Variants in VDAC1 observed in about 807,000 individuals in gnomAD.
VDAC1 encodes non-selective voltage-gated ion channel VDAC1.
Under a neutral mutation model 34.7 loss-of-function variants are expected in VDAC1, and 10 were observed. The observed-to-expected ratio is 0.29, with a 90% CI of 0.18 to 0.49. The LOEUF is 0.49. Ranked by LOEUF, VDAC1 falls within the 20% of genes least tolerant of loss-of-function variation. VDAC1 has a pLI of 0.99. For missense variants in VDAC1, 230 were observed against 347.9 expected (o/e 0.66, Z 2.69); for synonymous variants, 130 against 136.0 (o/e 0.96, Z 0.30).
At chr5:134,056,982 C>T in the VDAC1 span, among the ~76,000 whole-genome samples, 12 of 152,330 alleles carry the variant, frequency 7.9e-5, 1 homozygote, top group South Asian at 2.5e-3. Context: ...AGCCACCACG[C>T]CCGGCCCAAG....
chr5:134,064,311 T>G, the VDAC1 span, among the ~76,000 whole-genome samples: 352 of 150,722 alleles, frequency 2.3e-3, no homozygotes, highest in South Asian at 4.6e-3. Flanking sequence ...TTTTTTGGGG[T>G]TTTTTTTTGA....
At chr5:133,996,744 G>A (rs968917674) in intron 1 of VDAC1, among the ~76,000 whole-genome samples, 21 of 152,212 alleles carry the variant, frequency 1.4e-4, no homozygotes, top group African/African-American at 4.6e-4. Context: ...GAGCATCAAA[G>A]TATTATTTAG....
At chr5:133,972,977 T>G in intron 8 of VDAC1, 115 bp from the exon 9 acceptor site, 1 of 781,938 alleles carries the variant, frequency 1.3e-6, no homozygotes, top group Non-Finnish European at 2.1e-6. Flanking sequence ...GGGTCCAAAC[T>G]ACATGGCCCT....
chr5:134,112,998 C>T, the VDAC1 span, among the ~76,000 whole-genome samples: 1 of 152,198 alleles, frequency 6.6e-6, no homozygotes, highest in South Asian at 2.1e-4. Flanking sequence ...TCCGGATTCC[C>T]TTTCAGCTGT....
chr5:133,998,883 C>A (rs1753433434), intron 1 of VDAC1, among the ~76,000 whole-genome samples: 1 of 152,230 alleles, frequency 6.6e-6, no homozygotes, highest in South Asian at 2.1e-4. Context: ...ACCTCTCAGC[C>A]TGTGCCTAAC....
the VDAC1 span, among the ~76,000 whole-genome samples, chr5:134,098,590 G>A: frequency 6.6e-6 from 1 of 152,182 alleles, no homozygotes; most frequent in African/African-American, 2.4e-5. Context: ...TCAACCTCCT[G>A]GACAGGTGGT....
At chr5:134,092,097 A>G in the VDAC1 span, among the ~76,000 whole-genome samples, 1 of 152,202 alleles carries the variant, frequency 6.6e-6, no homozygotes, top group African/African-American at 2.4e-5. Context: ...CAGATGAGGA[A>G]CCAAGGCTCA....
chr5:134,074,500 C>T, the VDAC1 span, among the ~76,000 whole-genome samples: 1 of 151,924 alleles, frequency 6.6e-6, no homozygotes, highest in Admixed American at 6.6e-5. Flanking sequence ...CTTACCAATG[C>T]GAGATCACCC....
At chr5:133,989,423 G>A (rs1450005102) in intron 5 of VDAC1, among the ~76,000 whole-genome samples, 3 of 151,110 alleles carry the variant, frequency 2.0e-5, no homozygotes, top group East Asian at 1.9e-4. Context: ...GCAGTGGTGC[G>A]ATCTCAGCTC....
the VDAC1 span, among the ~76,000 whole-genome samples, chr5:134,056,884 A>G: frequency 6.6e-6 from 1 of 151,442 alleles, no homozygotes; most frequent in Non-Finnish European, 1.5e-5. Context: ...GGGTTTCTCC[A>G]TGTTGAGGCT....
chr5:133,982,230 G>A (rs566616786), intron 5 of VDAC1, among the ~76,000 whole-genome samples: 2 of 152,186 alleles, frequency 1.3e-5, no homozygotes, highest in South Asian at 4.1e-4. Context: ...AATGACACTC[G>A]GGGCCAGGCG....
the VDAC1 span, among the ~76,000 whole-genome samples, chr5:134,052,304 T>C: frequency 1.3e-5 from 2 of 152,278 alleles, no homozygotes; most frequent in South Asian, 4.1e-4. Flanking sequence ...CAGGTCTTCA[T>C]TTCTCTATGA....
the VDAC1 span, among the ~76,000 whole-genome samples, chr5:134,023,871 G>A: frequency 2.0e-5 from 3 of 152,012 alleles, no homozygotes; most frequent in African/African-American, 7.3e-5. Context: ...AGTGGCTCAT[G>A]CCTGTAATCC....
chr5:134,100,901 G>C, the VDAC1 span, among the ~76,000 whole-genome samples: 3 of 152,254 alleles, frequency 2.0e-5, no homozygotes, highest in Non-Finnish European at 4.4e-5. Flanking sequence ...CCCAGGGGCA[G>C]AGCTGGAACT....
chr5:133,973,870 C>G, intron 7 of VDAC1, 22 bp from the exon 8 acceptor site: 1 of 1,609,136 alleles, frequency 6.2e-7, no homozygotes, highest in South Asian at 1.1e-5. Flanking sequence ...AATGACAAAA[C>G]AGAGAAAACA....
chr5:134,019,994 C>T, the VDAC1 span, among the ~76,000 whole-genome samples: 1 of 152,072 alleles, frequency 6.6e-6, no homozygotes, highest in Non-Finnish European at 1.5e-5. Context: ...CTAATGAGCT[C>T]GCAAGCGTCC....
At chr5:134,113,997 T>C in the VDAC1 span, among the ~76,000 whole-genome samples, 2 of 152,154 alleles carry the variant, frequency 1.3e-5, no homozygotes, top group African/African-American at 4.8e-5. Context: ...ACTTGGAGGA[T>C]CGGCTGAGGT....
the VDAC1 span, among the ~76,000 whole-genome samples, chr5:134,054,578 G>T: frequency 6.7e-6 from 1 of 149,390 alleles, no homozygotes; most frequent in Non-Finnish European, 1.5e-5. Context: ...CTCCCCCTCA[G>T]CCTCCGGAGT....
At chr5:134,038,753 T>G in the VDAC1 span, among the ~76,000 whole-genome samples, 1 of 152,252 alleles carries the variant, frequency 6.6e-6, no homozygotes, top group Non-Finnish European at 1.5e-5. Flanking sequence ...AGTTCTGCTT[T>G]GCAGCAATAG....
Sources: allele counts gnomAD v4.1 joint callset (sites outside exome capture counted in the v4.1 genomes callset), GRCh38; gene constraint gnomAD v4.1.1; transcripts MANE v1.5; gene names NCBI Gene and HGNC (gene_info 2026-07-23, HGNC 2026-07-21).